XKR6: variants seen among roughly 807,000 people sequenced by gnomAD.
XKR6 encodes the protein XK related 6.
XKR6 carries 22 observed loss-of-function variants against 56.7 expected under a neutral mutation model. That is an observed-to-expected ratio of 0.39 (90% confidence interval 0.28 to 0.55). The LOEUF is 0.55. XKR6 is among the 20% of genes least tolerant of loss of function. XKR6 has a pLI of 0.66. For synonymous variants in XKR6, 524 were observed against 387.8 expected (o/e 1.35, Z -4.13); for missense variants, 852 against 889.0 (o/e 0.96, Z 0.53).
At chr8:11,060,331 G>A (rs1799798092) in intron 1 of XKR6, among the ~76,000 whole-genome samples, 1 of 152,108 alleles carries the variant, frequency 6.6e-6, no homozygotes, top group South Asian at 2.1e-4. Flanking sequence ...ATGCCTCCAC[G>A]CCTCCACCTC....
chr8:11,013,583 C>T (rs28631239), intron 1 of XKR6, among the ~76,000 whole-genome samples: 14,104 of 152,124 alleles, frequency 0.093, 1,333 homozygotes, highest in African/African-American at 0.24. Flanking sequence ...TAATATAATA[C>T]GCCCCCTTTT....
intron 1 of XKR6, among the ~76,000 whole-genome samples, chr8:10,996,374 G>C (rs779239113): frequency 4.6e-5 from 7 of 152,098 alleles, no homozygotes; most frequent in Non-Finnish European, 1.0e-4. Context: ...ACTGCTCCCA[G>C]GTAATTTGAG....
intron 1 of XKR6, among the ~76,000 whole-genome samples, chr8:10,941,707 C>T (rs1801391340): frequency 6.6e-6 from 1 of 152,192 alleles, no homozygotes; most frequent in Non-Finnish European, 1.5e-5. Flanking sequence ...GCTACGTGGC[C>T]TGGGGGCTCA....
chr8:11,121,687 A>G (rs1263811767), intron 1 of XKR6, among the ~76,000 whole-genome samples: 1 of 152,248 alleles, frequency 6.6e-6, no homozygotes, highest in Non-Finnish European at 1.5e-5. Context: ...ATTACTGGGT[A>G]TATACCCAAA....
intron 1 of XKR6, among the ~76,000 whole-genome samples, chr8:11,090,325 T>C (rs984779359): frequency 6.6e-6 from 1 of 152,168 alleles, no homozygotes; most frequent in South Asian, 2.1e-4. Flanking sequence ...TGGACTCAAG[T>C]GATCCTCCCC....
intron 1 of XKR6, chr8:11,002,428 G>A (rs762876857): frequency 4.8e-6 from 2 of 413,814 alleles, no homozygotes; most frequent in Non-Finnish European, 1.0e-5. Context: ...GCGTGCAGCA[G>A]TACACAGTGT....
intron 1 of XKR6, chr8:11,104,683 C>A (rs1322050893): frequency 6.6e-6 from 1 of 152,196 alleles, no homozygotes; most frequent in Non-Finnish European, 1.5e-5. Flanking sequence ...CAGTTATAAC[C>A]ATTGCATCAA....
intron 1 of XKR6, among the ~76,000 whole-genome samples, chr8:11,040,624 C>A (rs1291742386): frequency 5.9e-5 from 9 of 152,088 alleles, no homozygotes; most frequent in Non-Finnish European, 1.3e-4. Flanking sequence ...AAGATGAAGG[C>A]AGATTTGGTG....
chr8:10,971,405 A>G (rs1445707002), intron 1 of XKR6, among the ~76,000 whole-genome samples: 1 of 152,094 alleles, frequency 6.6e-6, no homozygotes, highest in Non-Finnish European at 1.5e-5. Flanking sequence ...TGGGTGACAG[A>G]GCGAGACTCC....
rs1799928942 is a variant in XKR6 at position 10,897,892 on chromosome 8, C to T, written c.*60G>A. 4 of 1,511,892 alleles carry T rather than the reference C, an allele frequency of 2.6e-6. No individual in the cohort carries two copies. The highest frequency in any genetic ancestry group is 3.5e-6 in the Non-Finnish European group (4 of 1,132,000). The allele number at this position is 1,511,892 out of a possible 1,614,324, so 93.7% of individuals were successfully genotyped here. On this transcript the variant is annotated 3_prime_UTR_variant, in exon 3 of 3. Coordinates refer to ENST00000416569, the MANE Select transcript of XKR6 (RefSeq NM_173683.4). ...GGGGAAGGGAGGGTTATATTTCTTG[C>T]AAGTGCTGTTTGCCGCAAACCAAAC... is the stretch of plus-strand genomic sequence containing the variant.
intron 1 of XKR6, among the ~76,000 whole-genome samples, chr8:11,094,792 G>A (rs539010477): frequency 6.6e-6 from 1 of 152,136 alleles, no homozygotes; most frequent in Non-Finnish European, 1.5e-5. Context: ...AGATTCCCAA[G>A]TTACTTACCC....
At chr8:11,165,415 G>A (rs1802025279) in intron 1 of XKR6, among the ~76,000 whole-genome samples, 1 of 152,032 alleles carries the variant, frequency 6.6e-6, no homozygotes, top group Admixed American at 6.6e-5. Flanking sequence ...GCTATTTTAA[G>A]CAAAGAACTG....
At chr8:11,033,334 ATGGTGGTGG>A (rs1301421577) in intron 1 of XKR6, among the ~76,000 whole-genome samples, 49 of 145,994 alleles carry the variant, frequency 3.4e-4, no homozygotes, top group African/African-American at 1.4e-3. Context: ...AGTGATGGTG[ATGGTGGTGG>A]TGATGATGAT....
At chr8:10,989,170 G>T (rs1797931966) in intron 1 of XKR6, among the ~76,000 whole-genome samples, 1 of 152,170 alleles carries the variant, frequency 6.6e-6, no homozygotes. Context: ...GCCTCACAGG[G>T]GCAATATTCA....
intron 1 of XKR6, among the ~76,000 whole-genome samples, chr8:10,932,171 A>G (rs1188587468): frequency 6.6e-6 from 1 of 152,236 alleles, no homozygotes; most frequent in Non-Finnish European, 1.5e-5. Context: ...AGTACTTCAT[A>G]TCTGTTAAAA....
intron 1 of XKR6, among the ~76,000 whole-genome samples, chr8:10,929,127 T>C (rs1286383857): frequency 1.3e-5 from 2 of 152,216 alleles, no homozygotes; most frequent in Non-Finnish European, 2.9e-5. Context: ...CAACATCTTA[T>C]AACTTTGTCT....
intron 1 of XKR6, among the ~76,000 whole-genome samples, chr8:11,189,976 G>T (rs1180930831): frequency 6.6e-6 from 1 of 152,080 alleles, no homozygotes; most frequent in Non-Finnish European, 1.5e-5. Flanking sequence ...GACCAACATG[G>T]TGAAACACTT....
In XKR6 at chr8:10,903,196, A is replaced by G. The variant is rs914534713; in HGVS notation, c.962-4280T>C. 4.6e-5 allele frequency among the ~76,000 whole-genome samples: 7 copies of G among 152,196 alleles called. No homozygotes were observed. The South Asian group carries it at 6.2e-4, about 14-fold the overall frequency. On this transcript the variant is annotated intron_variant, in intron 2 of 2. Coordinates refer to ENST00000416569, the MANE Select transcript of XKR6 (RefSeq NM_173683.4). ...ATTGTCTACGTCGTTATGTTTGGCC[A>G]AGGGACCAAATGTTCATGGCTCAGC...
chr8:10,902,853 C>T (rs570154754), intron 2 of XKR6, among the ~76,000 whole-genome samples: 15 of 152,306 alleles, frequency 9.8e-5, no homozygotes, highest in African/African-American at 3.6e-4. Flanking sequence ...AAGGAGGGGA[C>T]TTGCCTGGGG....
Sources: allele counts gnomAD v4.1 joint callset (sites outside exome capture counted in the v4.1 genomes callset), GRCh38; gene constraint gnomAD v4.1.1; transcripts MANE v1.5; gene names NCBI Gene and HGNC (gene_info 2026-07-23, HGNC 2026-07-21).